RAPGEF2: variants seen among roughly 807,000 people sequenced by gnomAD.
RAPGEF2 encodes Rap guanine nucleotide exchange factor 2.
A neutral mutation model predicts 186.7 loss-of-function variants in RAPGEF2; 54 were observed. The observed-to-expected ratio is 0.29, with a 90% CI of 0.23 to 0.36. The LOEUF (loss-of-function observed/expected upper bound fraction) is 0.36, where lower values mean the gene tolerates loss of function less well. Ranked by LOEUF, RAPGEF2 falls within the 10% of genes least tolerant of loss-of-function variation. The probability of loss-of-function intolerance (pLI) is 1.00; values close to 1 mark genes in which losing one functional copy is unlikely to be tolerated. For missense variants in RAPGEF2, 1,532 were observed against 2,045.0 expected, an observed-to-expected ratio of 0.75 and a Z score of 4.84; for synonymous variants, 712 against 705.9, an observed-to-expected ratio of 1.01 and a Z score of -0.14.
At chr4:159,138,931 G>T (rs751866335) in intron 1 of RAPGEF2, among the ~76,000 whole-genome samples, 1 of 152,168 alleles carries the variant, frequency 6.6e-6, no homozygotes, top group Non-Finnish European at 1.5e-5. Context: ...GGACAGTAAC[G>T]AATTGAAATA....
chr4:159,212,435 C>T (rs1367656926), intron 4 of RAPGEF2, among the ~76,000 whole-genome samples: 1 of 152,124 alleles, frequency 6.6e-6, no homozygotes, highest in African/African-American at 2.4e-5. Context: ...GAAACATTAT[C>T]AGCTAAAATC....
intron 4 of RAPGEF2, among the ~76,000 whole-genome samples, chr4:159,232,942 G>A (rs1376785426): frequency 6.6e-6 from 1 of 152,092 alleles, no homozygotes; most frequent in Non-Finnish European, 1.5e-5. Flanking sequence ...CTTTTCATGT[G>A]CATATTGGCT....
At chr4:159,162,677 T>G (rs1007674461) in intron 1 of RAPGEF2, among the ~76,000 whole-genome samples, 44 of 152,154 alleles carry the variant, frequency 2.9e-4, no homozygotes, top group African/African-American at 1.0e-3. Context: ...TTCTAGATTA[T>G]AGCCCTCAGC....
chr4:159,224,374 T>C (rs1751814999), intron 4 of RAPGEF2, among the ~76,000 whole-genome samples: 1 of 152,194 alleles, frequency 6.6e-6, no homozygotes, highest in African/African-American at 2.4e-5. Flanking sequence ...CCAAGAAGCA[T>C]GAATTTTAAT....
At chr4:159,248,374 G>A (rs1754905100) in intron 7 of RAPGEF2, among the ~76,000 whole-genome samples, 1 of 152,154 alleles carries the variant, frequency 6.6e-6, no homozygotes, top group African/African-American at 2.4e-5. Flanking sequence ...TTATTGTTTG[G>A]ATGCCTGATG....
At chr4:159,315,714 G>A (rs918742670) in intron 9 of RAPGEF2, among the ~76,000 whole-genome samples, 1 of 152,214 alleles carries the variant, frequency 6.6e-6, no homozygotes, top group Non-Finnish European at 1.5e-5. Context: ...CCTAGCAGCC[G>A]AGGCAGAGAG....
In RAPGEF2 at chr4:159,352,679, A is replaced by T. The variant is rs1316166405; in HGVS notation, c.3866-6A>T. On this transcript the variant is annotated splice_polypyrimidine_tract_variant and splice_region_variant and intron_variant, in intron 26 of 29. Coordinates refer to ENST00000691494, the MANE Select transcript of RAPGEF2 (RefSeq NM_001394067.2). ...TCTAATTAATACGGTTGTATTTCTC[A>T]TGCAGGCTATACTTTGGCTCCCAGT... 1 of 1,603,968 alleles carries T rather than the reference A, an allele frequency of 6.2e-7. No individual in the cohort carries two copies. The highest frequency in any genetic ancestry group is 1.1e-5 in the South Asian group (1 of 90,888).
In RAPGEF2 at chr4:159,342,553, ATTATTTTATTTTATT is replaced by A. The variant is rs1159754910; in HGVS notation, c.2919-375_2919-361del. Among the ~76,000 whole-genome samples, 642 of 71,916 alleles carry A rather than the reference ATTATTTTATTTTATT, an allele frequency of 8.9e-3. 2 individuals are homozygous for A. The highest frequency in any genetic ancestry group is 0.062 in the Middle Eastern group (9 of 144). The allele number at this position is 71,916 out of a possible 152,430, so 47.2% of individuals were successfully genotyped here. A position where few individuals can be genotyped will look rare whatever the true frequency, so the allele number is the denominator to read the frequency against. On this transcript the variant is annotated intron_variant, in intron 20 of 29. Transcript: ENST00000691494. ...TTTATTTTATTTTATTTTATTTTAT[ATTATTTTATTTTATT>A]TTATTTTATTTTATTTTATTTTATT...
intron 9 of RAPGEF2, among the ~76,000 whole-genome samples, chr4:159,315,658 A>G (rs1225025495): frequency 1.3e-5 from 2 of 152,186 alleles, no homozygotes; most frequent in African/African-American, 4.8e-5. Flanking sequence ...AATGATAGGT[A>G]AGGCCACTTG....
intron 7 of RAPGEF2, among the ~76,000 whole-genome samples, chr4:159,252,709 A>T (rs999887259): frequency 6.6e-6 from 1 of 152,214 alleles, no homozygotes; most frequent in Non-Finnish European, 1.5e-5. Flanking sequence ...AAATCTAAGG[A>T]CAGTTGATAA....
rs58593781 is a variant in RAPGEF2, at chr4:159,237,842, TAAAAAAAAAAAAAAA to T, written c.282-952_282-938del. On this transcript the variant is annotated intron_variant, in intron 4 of 29. Transcript: ENST00000691494. ...AGCTAGACTTTGTCTCTACAAAAAT[TAAAAAAAAAAAAAAA>T]AAAAAAAAAAAAAAGCCAGGTATGG... Among the ~76,000 whole-genome samples, 16 of 66,942 alleles carry T rather than the reference TAAAAAAAAAAAAAAA, an allele frequency of 2.4e-4. No homozygotes were observed. In the East Asian group the frequency reaches 2.6e-3, roughly 11 times the overall value. 43.9% of individuals were successfully genotyped at this position (66,942 alleles called of 152,430 possible).
At chr4:159,295,133 T>G (rs1761778729) in intron 7 of RAPGEF2, among the ~76,000 whole-genome samples, 1 of 152,186 alleles carries the variant, frequency 6.6e-6, no homozygotes, top group Admixed American at 6.5e-5. Flanking sequence ...TCGCAGTAAT[T>G]ATTATTAACA....
At chr4:159,292,738 A>G (rs1761402623) in intron 7 of RAPGEF2, among the ~76,000 whole-genome samples, 1 of 152,142 alleles carries the variant, frequency 6.6e-6, no homozygotes, top group Non-Finnish European at 1.5e-5. Flanking sequence ...TCTAGACCTA[A>G]TTTTTCATGT....
At chr4:159,226,549 A>G (rs1305422881) in intron 4 of RAPGEF2, among the ~76,000 whole-genome samples, 2 of 152,188 alleles carry the variant, frequency 1.3e-5, no homozygotes, top group African/African-American at 2.4e-5. Flanking sequence ...CACTGAGTCT[A>G]TATATCAACT....
chr4:159,294,737 A>G (rs1226307359), intron 7 of RAPGEF2, among the ~76,000 whole-genome samples: 2 of 148,168 alleles, frequency 1.3e-5, no homozygotes, highest in Admixed American at 6.9e-5. Context: ...TCACTCTGTC[A>G]CCCAGGCTGG....
At chr4:159,326,286 A>G (rs906792957) in intron 11 of RAPGEF2, among the ~76,000 whole-genome samples, 6 of 152,222 alleles carry the variant, frequency 3.9e-5, no homozygotes, top group African/African-American at 1.4e-4. Context: ...TAAAAGAAAC[A>G]GTGAGAACCA....
intron 1 of RAPGEF2, among the ~76,000 whole-genome samples, chr4:159,133,709 G>A (rs1020824773): frequency 1.3e-5 from 2 of 152,134 alleles, no homozygotes; most frequent in Non-Finnish European, 1.5e-5. Flanking sequence ...TCAGCCTCCC[G>A]AGTAGCTGGG....
Position 159,112,925 on chromosome 4 carries a change from A to G in RAPGEF2, c.69+8694A>G, listed in dbSNP as rs150208222. Reference sequence around the variant, plus strand: ...AATTAACCAGATCATCAAAGTTAATATCATTAGTAATAAGACATGTCAACA... The same window carrying G: ...AATTAACCAGATCATCAAAGTTAATGTCATTAGTAATAAGACATGTCAACA... On this transcript the variant is annotated intron_variant, in intron 1 of 29. Transcript: ENST00000691494. Among the ~76,000 whole-genome samples, 1,289 of 152,340 alleles carry G rather than the reference A, an allele frequency of 8.5e-3. 23 individuals carry two copies. The highest frequency in any genetic ancestry group is 0.029 in the African/African-American group (1,225 of 41,582).
intron 7 of RAPGEF2, among the ~76,000 whole-genome samples, chr4:159,293,198 A>G (rs1034545342): frequency 6.6e-6 from 1 of 152,234 alleles, no homozygotes; most frequent in African/African-American, 2.4e-5. Context: ...GAGAGCATAA[A>G]AAAATGAAAA....
Sources: allele counts gnomAD v4.1 joint callset (sites outside exome capture counted in the v4.1 genomes callset), GRCh38; gene constraint gnomAD v4.1.1; transcripts MANE v1.5; gene names NCBI Gene and HGNC (gene_info 2026-07-23, HGNC 2026-07-21).